Variants in REDIC1 observed in about 807,000 individuals in gnomAD.
The protein encoded by REDIC1 is HEI10 Interacting Protein 1.
chr12:39,768,634 G>A, the REDIC1 span, among the ~76,000 whole-genome samples: 1 of 152,116 alleles, frequency 6.6e-6, no homozygotes, highest in Admixed American at 6.5e-5. Flanking sequence ...TTGGTGGAGT[G>A]GTCAGAACAC....
At chr12:39,707,837 AG>A in the REDIC1 span, among the ~76,000 whole-genome samples, 1 of 151,942 alleles carries the variant, frequency 6.6e-6, no homozygotes, top group South Asian at 2.1e-4. Context: ...GCATAAAAAA[AG>A]AATGATCCTG....
chr12:39,631,489 A>G, the REDIC1 span, among the ~76,000 whole-genome samples: 2 of 152,120 alleles, frequency 1.3e-5, no homozygotes, highest in Admixed American at 6.5e-5. Flanking sequence ...ACAGAATGCA[A>G]TTGAAGGAGC....
the REDIC1 span, among the ~76,000 whole-genome samples, chr12:39,892,001 T>TTCATACATAATTTA: frequency 6.6e-6 from 1 of 152,344 alleles, no homozygotes; most frequent in South Asian, 2.1e-4. Flanking sequence ...TAATCAAGTC[T>TTCATACATAATTTA]ATTAATTCAT....
the REDIC1 span, among the ~76,000 whole-genome samples, chr12:39,711,726 T>G: frequency 8.2e-5 from 1 of 12,148 alleles, no homozygotes; most frequent in Non-Finnish European, 2.9e-4. Context: ...TGTATGCACA[T>G]GCATGTGTGT....
the REDIC1 span, among the ~76,000 whole-genome samples, chr12:39,676,198 A>C: frequency 6.6e-6 from 1 of 152,152 alleles, no homozygotes; most frequent in Non-Finnish European, 1.5e-5. Flanking sequence ...GGAAATAAAA[A>C]AAAAAAACCA....
At chr12:39,714,620 G>C in the REDIC1 span, among the ~76,000 whole-genome samples, 1 of 151,766 alleles carries the variant, frequency 6.6e-6, no homozygotes, top group Non-Finnish European at 1.5e-5. Flanking sequence ...TCTACTTTTA[G>C]TTCTTTAAGT....
At chr12:39,772,857 A>AT in the REDIC1 span, among the ~76,000 whole-genome samples, 1 of 99,658 alleles carries the variant, frequency 1.0e-5, no homozygotes, top group East Asian at 2.5e-4. Flanking sequence ...TGCAAAAAAA[A>AT]GGCCAAGTAG....
At chr12:39,820,571 G>A in the REDIC1 span, among the ~76,000 whole-genome samples, 1 of 151,980 alleles carries the variant, frequency 6.6e-6, no homozygotes, top group Non-Finnish European at 1.5e-5. Flanking sequence ...TGTGTACAGA[G>A]GCAGCGGTTC....
the REDIC1 span, among the ~76,000 whole-genome samples, chr12:39,680,927 A>G: frequency 1.3e-5 from 2 of 152,230 alleles, no homozygotes; most frequent in Non-Finnish European, 2.9e-5. Flanking sequence ...AAACATTGTT[A>G]CGTTCTTACT....
the REDIC1 span, among the ~76,000 whole-genome samples, chr12:39,787,225 C>G: frequency 6.6e-6 from 1 of 152,174 alleles, no homozygotes; most frequent in South Asian, 2.1e-4. Context: ...CACTTACTAC[C>G]TTCCACCAGT....
chr12:39,840,009 C>A, the REDIC1 span, among the ~76,000 whole-genome samples: 2 of 151,922 alleles, frequency 1.3e-5, no homozygotes, highest in Non-Finnish European at 2.9e-5. Context: ...ATGTATAGTT[C>A]CTGTACTCTC....
At chr12:39,720,712 A>G in the REDIC1 span, 5 of 1,099,566 alleles carry the variant, frequency 4.5e-6, no homozygotes, top group African/African-American at 1.6e-5. Flanking sequence ...TTTTAAGAAT[A>G]TATTCTTTGA....
the REDIC1 span, among the ~76,000 whole-genome samples, chr12:39,712,834 C>CAT: frequency 0.019 from 2,548 of 132,228 alleles, 92 homozygotes; most frequent in African/African-American, 0.063. Flanking sequence ...TATGTATATA[C>CAT]ATATACACGT....
the REDIC1 span, among the ~76,000 whole-genome samples, chr12:39,674,247 C>A: frequency 6.6e-6 from 1 of 152,082 alleles, no homozygotes; most frequent in African/African-American, 2.4e-5. Flanking sequence ...TAATTTTTTT[C>A]TTCCTCTTTT....
the REDIC1 span, among the ~76,000 whole-genome samples, chr12:39,714,551 T>A: frequency 0.79 from 120,105 of 151,454 alleles, 48,344 homozygotes; most frequent in Non-Finnish European, 0.87. Context: ...TTTTTGAATA[T>A]TGATTTCTTT....
chr12:39,874,823 G>A, the REDIC1 span, among the ~76,000 whole-genome samples: 1 of 152,134 alleles, frequency 6.6e-6, no homozygotes, highest in African/African-American at 2.4e-5. Context: ...AGAGCCAAGT[G>A]GGTGAACTGG....
chr12:39,756,324 T>A, the REDIC1 span: 1 of 151,962 alleles, frequency 6.6e-6, no homozygotes, highest in Non-Finnish European at 1.5e-5. Flanking sequence ...TCATAGATAC[T>A]GAAAAGGTCT....
the REDIC1 span, among the ~76,000 whole-genome samples, chr12:39,855,841 G>A: frequency 6.6e-6 from 1 of 152,120 alleles, no homozygotes; most frequent in Non-Finnish European, 1.5e-5. Flanking sequence ...GAAGAGACAT[G>A]TGACCTATAT....
At chr12:39,671,517 T>A in the REDIC1 span, among the ~76,000 whole-genome samples, 1 of 152,144 alleles carries the variant, frequency 6.6e-6, no homozygotes, top group East Asian at 1.9e-4. Context: ...TCCTGGCAGC[T>A]TGCTCAGGTT....
Sources: gnomAD v4.1 joint callset for allele counts (sites outside exome capture counted in the v4.1 genomes callset) on GRCh38, gnomAD v4.1.1 for gene constraint, MANE v1.5 for transcripts, NCBI Gene and HGNC (gene_info 2026-07-23, HGNC 2026-07-21) for gene names.